SAMD13: variants seen among roughly 807,000 people sequenced by gnomAD.
SAMD13 encodes the protein sterile alpha motif domain-containing protein 13.
SAMD13 carries 9 observed loss-of-function variants against 12.4 expected under a neutral mutation model. The observed-to-expected ratio is 0.72, with a 90% CI of 0.44 to 1.26. SAMD13 has a LOEUF of 1.26. SAMD13 is among the 50% of genes most tolerant of loss of function. The pLI, the probability that SAMD13 is intolerant of heterozygous loss-of-function variation, is 0.00. For missense variants in SAMD13, 84 were observed against 119.6 expected (o/e 0.70, Z 1.39); for synonymous variants, 46 against 45.4 (o/e 1.01, Z -0.05).
At position 84,325,595 on chromosome 1, in the gene SAMD13, G is replaced by T. The variant is rs778908670; in HGVS notation, c.54-42G>T. 1.4e-5 allele frequency: 17 copies of T among 1,217,408 alleles called. No individual in the cohort carries two copies. The South Asian group carries it at 1.5e-4, about 10-fold the overall frequency. The allele number at this position is 1,217,408 out of a possible 1,614,324, so 75.4% of individuals were successfully genotyped here. Reference sequence around the variant, plus strand: ...TTTGTGAGCCTGGCCACACCCTTGTGCAGGCACTGCCATGACAACTGTCTG... The same window carrying T: ...TTTGTGAGCCTGGCCACACCCTTGTTCAGGCACTGCCATGACAACTGTCTG... On this transcript the variant is annotated intron_variant, in intron 2 of 3. Coordinates refer to ENST00000394834, the MANE Select transcript of SAMD13 (RefSeq NM_001134663.2).
intron 2 of SAMD13, among the ~76,000 whole-genome samples, chr1:84,316,861 A>G (rs1678846076): frequency 1.3e-5 from 2 of 152,044 alleles, no homozygotes; most frequent in South Asian, 2.1e-4. Context: ...ATGTCTTTGC[A>G]TTTGTTTGTG....
chr1:84,332,395 A>G (rs977838380), intron 3 of SAMD13, among the ~76,000 whole-genome samples: 1 of 152,172 alleles, frequency 6.6e-6, no homozygotes, highest in African/African-American at 2.4e-5. Flanking sequence ...CCTCACCAGC[A>G]TCTGTTTTTA....
intron 2 of SAMD13, among the ~76,000 whole-genome samples, chr1:84,311,575 A>G (rs570108567): frequency 4.6e-5 from 7 of 152,198 alleles, no homozygotes; most frequent in Non-Finnish European, 8.8e-5. Context: ...TATGCTGAAC[A>G]ATTCAACAGT....
chr1:84,300,531 C>T (rs1678433967), upstream of SAMD13, among the ~76,000 whole-genome samples: 1 of 152,186 alleles, frequency 6.6e-6, no homozygotes, highest in South Asian at 2.1e-4. Context: ...CAGGATATTA[C>T]AGCAAGTGAT....
chr1:84,316,261 T>C (rs1678830691), intron 2 of SAMD13, among the ~76,000 whole-genome samples: 1 of 27,472 alleles, frequency 3.6e-5, no homozygotes, highest in South Asian at 1.3e-3. Flanking sequence ...TTGTTGCCTA[T>C]GCTTTTTGGT....
At chr1:84,338,996 C>T (rs1479138320) in intron 3 of SAMD13, among the ~76,000 whole-genome samples, 3 of 152,204 alleles carry the variant, frequency 2.0e-5, no homozygotes, top group African/African-American at 7.2e-5. Context: ...TTTTTCAGCT[C>T]TGCCAGATCA....
At chr1:84,345,341 A>T (rs542980168) in intron 3 of SAMD13, 35 of 400,636 alleles carry the variant, frequency 8.7e-5, no homozygotes, top group African/African-American at 6.0e-4. Context: ...TCTGATGCTT[A>T]TGAAAGACTG....
intron 3 of SAMD13, among the ~76,000 whole-genome samples, chr1:84,341,399 G>A (rs1679421315): frequency 6.6e-6 from 1 of 152,130 alleles, no homozygotes; most frequent in Admixed American, 6.6e-5. Flanking sequence ...CAATGACCAA[G>A]GATAACAAAA....
Position 84,349,778 on chromosome 1 carries a change from A to G in SAMD13, c.*4A>G, listed in dbSNP as rs1181676815. On this transcript the variant is annotated 3_prime_UTR_variant, in exon 4 of 4. Transcript: ENST00000394834. ...TTTAAAGAACAACTCTTCATAGTAC[A>G]GTCAAATTGGGGTCTTCGACCTCAA... 7 of 1,600,252 alleles carry G rather than the reference A, an allele frequency of 4.4e-6. No individual in the cohort carries two copies. The highest frequency in any genetic ancestry group is 6.0e-6 in the Non-Finnish European group (7 of 1,174,076).
At chr1:84,310,780 G>T (rs955469200) in intron 2 of SAMD13, among the ~76,000 whole-genome samples, 15 of 151,894 alleles carry the variant, frequency 9.9e-5, no homozygotes, top group Admixed American at 9.8e-4. Flanking sequence ...AATTCAAAGG[G>T]GTTTTGCATA....
intron 3 of SAMD13, among the ~76,000 whole-genome samples, chr1:84,326,621 C>A (rs1469426277): frequency 6.6e-6 from 1 of 152,176 alleles, no homozygotes; most frequent in African/African-American, 2.4e-5. Context: ...TGGGTAAACA[C>A]AGAGTTCCTA....
intron 3 of SAMD13, among the ~76,000 whole-genome samples, chr1:84,345,553 C>T (rs1013136842): frequency 6.6e-6 from 1 of 152,206 alleles, no homozygotes; most frequent in African/African-American, 2.4e-5. Flanking sequence ...AGGCCACCAC[C>T]ACAAATATGG....
chr1:84,337,390 CA>C (rs1159825803), intron 3 of SAMD13, among the ~76,000 whole-genome samples: 1 of 152,196 alleles, frequency 6.6e-6, no homozygotes, highest in African/African-American at 2.4e-5. Flanking sequence ...TCCCAAACCT[CA>C]ATTCTTGACT....
chr1:84,329,358 A>C (rs1360906379), intron 3 of SAMD13, among the ~76,000 whole-genome samples: 3 of 152,180 alleles, frequency 2.0e-5, no homozygotes, highest in African/African-American at 7.2e-5. Context: ...TGACTAAAAT[A>C]CTGGTATTGA....
At chr1:84,330,217 T>C (rs1417825664) in intron 3 of SAMD13, among the ~76,000 whole-genome samples, 3 of 152,310 alleles carry the variant, frequency 2.0e-5, no homozygotes, top group South Asian at 4.1e-4. Context: ...AAGTTAATAC[T>C]GAGTTAAACA....
chr1:84,310,179 A>G (rs1434013220), intron 2 of SAMD13, among the ~76,000 whole-genome samples: 2 of 152,168 alleles, frequency 1.3e-5, no homozygotes, highest in Admixed American at 6.5e-5. Context: ...TCACTTAAAC[A>G]TGTAATCAAC....
At chr1:84,314,212 C>T (rs1678778009) in intron 2 of SAMD13, among the ~76,000 whole-genome samples, 1 of 151,996 alleles carries the variant, frequency 6.6e-6, no homozygotes, top group Non-Finnish European at 1.5e-5. Flanking sequence ...TAAAAAAAGT[C>T]CAACCGTGCA....
At chr1:84,345,058 T>A (rs1157479104) in intron 3 of SAMD13, 1 of 456,676 alleles carries the variant, frequency 2.2e-6, no homozygotes, top group Non-Finnish European at 4.4e-6. Flanking sequence ...GACACAGGAT[T>A]TTCCACTTTT....
intron 3 of SAMD13, among the ~76,000 whole-genome samples, chr1:84,340,491 C>T (rs1679399315): frequency 6.6e-6 from 1 of 151,930 alleles, no homozygotes; most frequent in South Asian, 2.1e-4. Context: ...TAGATAGTGG[C>T]AATAATTGCA....
Sources: gnomAD v4.1 joint callset for allele counts (sites outside exome capture counted in the v4.1 genomes callset) on GRCh38, gnomAD v4.1.1 for gene constraint, MANE v1.5 for transcripts, NCBI Gene and HGNC (gene_info 2026-07-23, HGNC 2026-07-21) for gene names.